Variants in FRS2 observed in about 807,000 individuals in gnomAD.
FRS2 encodes fibroblast growth factor receptor substrate 2.
A neutral mutation model predicts 43.9 loss-of-function variants in FRS2; 8 were observed. The observed-to-expected ratio is 0.18, with a 90% CI of 0.11 to 0.33. FRS2 has a LOEUF of 0.33. Ranked by LOEUF, FRS2 falls within the 10% of genes least tolerant of loss-of-function variation. The pLI is 1.00. For synonymous variants in FRS2, 219 were observed against 220.3 expected, an observed-to-expected ratio of 0.99 and a Z score of 0.05; for missense variants, 534 against 627.6, an observed-to-expected ratio of 0.85 and a Z score of 1.59.
At chr12:69,524,102 TAG>T (rs1875960989) in intron 1 of FRS2, among the ~76,000 whole-genome samples, 1 of 152,148 alleles carries the variant, frequency 6.6e-6, no homozygotes, top group Admixed American at 6.5e-5. Flanking sequence ...CTGCAAGGAA[TAG>T]AATTGGGCAC....
chr12:69,553,752 G>C (rs956623442), intron 3 of FRS2, among the ~76,000 whole-genome samples: 6 of 152,210 alleles, frequency 3.9e-5, no homozygotes, highest in African/African-American at 1.4e-4. Flanking sequence ...ATGGGCGTAG[G>C]TGGTAGGGAG....
rs76306102 is a variant in FRS2, at chr12:69,544,292, A to G, written c.-122+12236A>G. On this transcript the variant is annotated intron_variant, in intron 3 of 8. Coordinates refer to ENST00000549921, the MANE Select transcript of FRS2 (RefSeq NM_001278356.2). Reference sequence around the variant, plus strand: ...ATGGTTCAACATATGAAAATTGTTCAATGTAATATACACATTAAAAGAATG... The same window carrying G: ...ATGGTTCAACATATGAAAATTGTTCGATGTAATATACACATTAAAAGAATG... Among the ~76,000 whole-genome samples the G allele has an allele frequency of 9.3e-3, 1,419 of 152,304 alleles. 11 individuals carry two copies. Among genetic ancestry groups the G allele is most frequent in the Non-Finnish European group, 0.014 (933 of 68,026 alleles).
intron 1 of FRS2, among the ~76,000 whole-genome samples, chr12:69,487,484 A>G (rs1376427303): frequency 2.0e-5 from 3 of 152,214 alleles, no homozygotes; most frequent in Non-Finnish European, 2.9e-5. Flanking sequence ...TTTTAAGCCC[A>G]CTGTTGAGAC....
At chr12:69,490,040 T>C (rs927766230) in intron 1 of FRS2, among the ~76,000 whole-genome samples, 5 of 152,034 alleles carry the variant, frequency 3.3e-5, no homozygotes, top group African/African-American at 1.2e-4. Context: ...AGCAGTATGT[T>C]CAGATGGCCA....
intron 1 of FRS2, among the ~76,000 whole-genome samples, chr12:69,485,880 C>T (rs1361795408): frequency 6.6e-6 from 1 of 152,090 alleles, no homozygotes; most frequent in Non-Finnish European, 1.5e-5. Flanking sequence ...TATTAAGATC[C>T]TCTATGTGAT....
chr12:69,571,705 T>C (rs928989664), intron 7 of FRS2, among the ~76,000 whole-genome samples: 9 of 151,590 alleles, frequency 5.9e-5, no homozygotes, highest in Non-Finnish European at 1.0e-4. Flanking sequence ...ACTAAAAAAA[T>C]ACAAAAAAAT....
At chr12:69,545,998 T>C (rs1878370430) in intron 3 of FRS2, among the ~76,000 whole-genome samples, 2 of 152,142 alleles carry the variant, frequency 1.3e-5, no homozygotes, top group African/African-American at 4.8e-5. Context: ...TGTAAGGAAA[T>C]GTAGGGCGAA....
At chr12:69,516,663 A>G (rs970663334) in intron 1 of FRS2, among the ~76,000 whole-genome samples, 1 of 152,184 alleles carries the variant, frequency 6.6e-6, no homozygotes, top group African/African-American at 2.4e-5. Flanking sequence ...TTAAATTGTC[A>G]ACATTGAGTA....
chr12:69,504,695 G>A (rs756396239), intron 1 of FRS2, among the ~76,000 whole-genome samples: 3 of 152,060 alleles, frequency 2.0e-5, no homozygotes, highest in Non-Finnish European at 2.9e-5. Context: ...CATAAAATGT[G>A]CATTATGATA....
chr12:69,574,912 C>T lies in FRS2; in HGVS notation c.1484C>T (p.Thr495Ile). ...LQKALPRDDG[T>I]SRKTRHNSTD... ...AAAGCACTGCCACGAGATGATGGTA[C>T]ATCTAGGAAAACTAGACACAATAGT... The change falls in exon 9 of 9, where the codon ACA (threonine) becomes ATA (isoleucine). Residue 495 changes from threonine to isoleucine, a missense_variant. Thr to Ile is a moderately conservative substitution (Grantham distance 89). Coordinates refer to ENST00000549921, the MANE Select transcript of FRS2 (RefSeq NM_001278356.2). 2 of 1,613,354 alleles carry T rather than the reference C, an allele frequency of 1.2e-6. No individual in the cohort carries two copies. Among genetic ancestry groups the T allele is most frequent in the Non-Finnish European group, 1.7e-6 (2 of 1,179,420 alleles).
At chr12:69,533,211 C>T (rs1876970210) in intron 3 of FRS2, among the ~76,000 whole-genome samples, 1 of 152,158 alleles carries the variant, frequency 6.6e-6, no homozygotes, top group South Asian at 2.1e-4. Flanking sequence ...CACACATATA[C>T]AGACAAAAAT....
At chr12:69,485,134 C>CACACACACACACACACACACACACAA (rs1194988609) in intron 1 of FRS2, among the ~76,000 whole-genome samples, 1 of 134,272 alleles carries the variant, frequency 7.4e-6, no homozygotes, top group Non-Finnish European at 1.6e-5. Context: ...CACACACACA[C>CACACACACACACACACACACACACAA]ACTCTCACCC....
At chr12:69,536,231 T>A (rs1178142151) in intron 3 of FRS2, among the ~76,000 whole-genome samples, 1 of 144,790 alleles carries the variant, frequency 6.9e-6, no homozygotes, top group East Asian at 2.2e-4. Flanking sequence ...TTCAAGGAAT[T>A]CTCGTGCCTC....
chr12:69,506,837 G>A (rs1240173546), intron 1 of FRS2, among the ~76,000 whole-genome samples: 1 of 152,214 alleles, frequency 6.6e-6, no homozygotes, highest in Admixed American at 6.5e-5. Flanking sequence ...GAGAGGAAAA[G>A]CCTTTAAGAA....
At chr12:69,548,852 C>T in intron 3 of FRS2, among the ~76,000 whole-genome samples, 1 of 152,098 alleles carries the variant, frequency 6.6e-6, no homozygotes, top group Non-Finnish European at 1.5e-5. Context: ...AGAGAGCTGC[C>T]TAACAGGGGC....
At chr12:69,490,715 G>A (rs79599638) in intron 1 of FRS2, among the ~76,000 whole-genome samples, 2 of 152,248 alleles carry the variant, frequency 1.3e-5, no homozygotes, top group South Asian at 2.1e-4. Flanking sequence ...TACATTCTTT[G>A]TGTATTTCTT....
intron 1 of FRS2, among the ~76,000 whole-genome samples, chr12:69,530,622 G>A (rs760572861): frequency 1.1e-4 from 16 of 152,072 alleles, no homozygotes; most frequent in Non-Finnish European, 2.2e-4. Context: ...ATGCACCTGT[G>A]GTCCCAGCTA....
At chr12:69,568,441 A>G (rs931787024) in intron 4 of FRS2, among the ~76,000 whole-genome samples, 1 of 151,988 alleles carries the variant, frequency 6.6e-6, no homozygotes, top group South Asian at 2.1e-4. Flanking sequence ...AGTCCCAGCT[A>G]CTCAGGAGGC....
chr12:69,545,047 A>G (rs1020773838), intron 3 of FRS2, among the ~76,000 whole-genome samples: 2 of 152,320 alleles, frequency 1.3e-5, no homozygotes, highest in Non-Finnish European at 1.5e-5. Flanking sequence ...TAAGAAAACA[A>G]TTTCATTTAC....
Sources: gnomAD v4.1 joint callset for allele counts (sites outside exome capture counted in the v4.1 genomes callset) on GRCh38, gnomAD v4.1.1 for gene constraint, MANE v1.5 for transcripts, NCBI Gene and HGNC (gene_info 2026-07-23, HGNC 2026-07-21) for gene names.